MMP21: variants seen among roughly 807,000 people sequenced by gnomAD.
The protein encoded by MMP21 is matrix metalloproteinase-21.
In MMP21, 40 loss-of-function variants were observed where a neutral mutation model predicts 47.8. That is an observed-to-expected ratio of 0.84 (90% confidence interval 0.65 to 1.09). The LOEUF is 1.09. MMP21 is among the 50% of genes least tolerant of loss of function. MMP21 has a pLI of 0.00. For missense variants in MMP21, 747 were observed against 775.3 expected (o/e 0.96, Z 0.43); for synonymous variants, 341 against 318.0 (o/e 1.07, Z -0.77).
In MMP21 at chr10:125,773,544, C is replaced by A. The variant is rs1850476756; in HGVS notation, c.697+287G>T. On this transcript the variant is annotated intron_variant, in intron 2 of 6. Coordinates refer to ENST00000368808, the MANE Select transcript of MMP21 (RefSeq NM_147191.1). The surrounding 1 kb of genome is among the most constrained non-coding windows in gnomAD (Gnocchi z 4.8). ...TGCTGCTCCCTAGGGAAGCTGGAGG[C>A]ACAGGCAGGGGGCCCGAGTGGGACT... is the stretch of plus-strand genomic sequence containing the variant. 6.6e-6 allele frequency among the ~76,000 whole-genome samples: 1 copy of A among 152,148 alleles called. No individual in the cohort carries two copies. The highest frequency in any genetic ancestry group is 1.5e-5 in the Non-Finnish European group (1 of 68,020).
rs1244551768 is a variant in MMP21, at chr10:125,773,511, A to ACC, written c.697+318_697+319dup. ...GTGCCTGACCCTGCCCTGTCCTGAG[A>ACC]CCCCAGCTGCTGCTCCCTAGGGAAG... is the stretch of plus-strand genomic sequence containing the variant. On this transcript the variant is annotated intron_variant, in intron 2 of 6. Coordinates refer to ENST00000368808, the MANE Select transcript of MMP21 (RefSeq NM_147191.1). The surrounding 1 kb of genome is among the most constrained non-coding windows in gnomAD (Gnocchi z 4.8). Among the ~76,000 whole-genome samples the ACC allele has an allele frequency of 6.6e-6, 1 of 151,820 alleles. No homozygotes were observed. The highest frequency in any genetic ancestry group is 6.6e-5 in the Admixed American group (1 of 15,244).
chr10:125,770,993 A>G (rs1453886493), intron 4 of MMP21, among the ~76,000 whole-genome samples: 1 of 152,028 alleles, frequency 6.6e-6, no homozygotes, highest in Non-Finnish European at 1.5e-5. Flanking sequence ...TCAGTCCACT[A>G]CACTCCAGCT....
At chr10:125,771,936 G>A in intron 4 of MMP21, among the ~76,000 whole-genome samples, 1 of 152,248 alleles carries the variant, frequency 6.6e-6, no homozygotes, top group South Asian at 2.1e-4. Flanking sequence ...CGGGTTGGGG[G>A]CCCGCTTGTG....
Position 125,772,680 on chromosome 10 carries a change from A to G in MMP21, c.768T>C (p.Gly256=). The G allele has an allele frequency of 6.2e-7, 1 of 1,614,072 alleles. No homozygotes were observed. ...GQEFAHAWRL[G]DIHFDDDEHF... ...GCTCGTCGTCGTCAAAGTGAATGTC[A>G]CCTAGGCGCCAGGCGTGTGCAAACT... Residue 256 remains glycine, a synonymous_variant, in exon 3 of 7, where the codon GGT becomes GGC. Coordinates refer to ENST00000368808, the MANE Select transcript of MMP21 (RefSeq NM_147191.1). The surrounding 1 kb of genome is among the most constrained non-coding windows in gnomAD (Gnocchi z 5.6).
chr10:125,774,488 A>G lies in MMP21; in HGVS notation c.163-123T>C. ...GAGACAGAGACAGAGAGAAGCAGAG[A>G]GACAGACAGGGAGAAACAGATGGAG... is the stretch of plus-strand genomic sequence containing the variant. On this transcript the variant is annotated intron_variant, in intron 1 of 6. Transcript: ENST00000368808. 2 of 582,198 alleles carry G rather than the reference A, an allele frequency of 3.4e-6. 1 individual carries two copies. The highest frequency in any genetic ancestry group is 5.0e-6 in the Non-Finnish European group (2 of 398,836). The allele number at this position is 582,198 out of a possible 1,614,324, so 36.1% of individuals were successfully genotyped here.
At position 125,773,350 on chromosome 10, in the gene MMP21, G is replaced by A. The variant is rs2133783965; in HGVS notation, c.697+481C>T. ...GTCTAGGCCAAGACCGGATTCCTGG[G>A]GACGCCAGCACCCAATTTCAGGTGG... On this transcript the variant is annotated intron_variant, in intron 2 of 6. Transcript: ENST00000368808. The surrounding 1 kb of genome is among the most constrained non-coding windows in gnomAD (Gnocchi z 4.8). Among the ~76,000 whole-genome samples the A allele has an allele frequency of 6.6e-6, 1 of 152,132 alleles. No individual in the cohort carries two copies. The highest frequency in any genetic ancestry group is 2.1e-4 in the South Asian group (1 of 4,822).
Position 125,772,419 on chromosome 10 carries a change from A to G in MMP21, c.838-60T>C. ...AGCCTGGGCGATGGATCCCTGCATA[A>G]CAGACGCAGGCCTGTGCTTCGAGAG... On this transcript the variant is annotated intron_variant, in intron 3 of 6. Transcript: ENST00000368808. This position sits in a 1 kb window ranked among gnomAD's most constrained non-coding sequence, Gnocchi z 5.6. The G allele has an allele frequency of 6.2e-7, 1 of 1,604,622 alleles. No individual in the cohort carries two copies. The highest frequency in any genetic ancestry group is 8.5e-7 in the Non-Finnish European group (1 of 1,173,472).
chr10:125,771,441 T>C (rs530844650), intron 4 of MMP21, among the ~76,000 whole-genome samples: 1 of 151,738 alleles, frequency 6.6e-6, no homozygotes, highest in Non-Finnish European at 1.5e-5. Flanking sequence ...TCTCGCTCTG[T>C]CACCCAGGCT....
rs1233896746 is a variant in MMP21 at position 125,772,753 on chromosome 10, G to T, written c.698-3C>A. On this transcript the variant is annotated splice_region_variant and splice_polypyrimidine_tract_variant and intron_variant, in intron 2 of 6. Coordinates refer to ENST00000368808, the MANE Select transcript of MMP21 (RefSeq NM_147191.1). This position sits in a 1 kb window ranked among gnomAD's most constrained non-coding sequence, Gnocchi z 5.6. ...CCGCGGACAGCCCAGGTGCCGGCCT[G>T]GCGAGGGGGAGGAGGAGTTGGTCCC... is the stretch of plus-strand genomic sequence containing the variant. 1.2e-6 allele frequency: 2 copies of T among 1,612,006 alleles called. No individual in the cohort carries two copies. Among genetic ancestry groups the T allele is most frequent in the South Asian group, 2.2e-5 (2 of 91,038 alleles).
chr10:125,773,560 G>A lies in MMP21; in HGVS notation c.697+271C>T, dbSNP rs961156049. 1.3e-5 allele frequency among the ~76,000 whole-genome samples: 2 copies of A among 152,250 alleles called. No individual in the cohort carries two copies. Among genetic ancestry groups the A allele is most frequent in the East Asian group, 1.9e-4 (1 of 5,142 alleles). On this transcript the variant is annotated intron_variant, in intron 2 of 6. Coordinates refer to ENST00000368808, the MANE Select transcript of MMP21 (RefSeq NM_147191.1). This position sits in a 1 kb window ranked among gnomAD's most constrained non-coding sequence, Gnocchi z 4.8. Reference sequence around the variant, plus strand: ...AGCTGGAGGCACAGGCAGGGGGCCCGAGTGGGACTTTGAGGAGCAGCCCGG... The same window carrying A: ...AGCTGGAGGCACAGGCAGGGGGCCCAAGTGGGACTTTGAGGAGCAGCCCGG...
rs1407484064 is a variant in MMP21 at position 125,772,141 on chromosome 10, G to C, written c.979+77C>G. ...CTCTTAGGCCCAGTTTCCCAGTGAG[G>C]AGTGAGCGGGGTCCTACAGTGCTCT... On this transcript the variant is annotated intron_variant, in intron 4 of 6. Coordinates refer to ENST00000368808, the MANE Select transcript of MMP21 (RefSeq NM_147191.1). This position sits in a 1 kb window ranked among gnomAD's most constrained non-coding sequence, Gnocchi z 5.6. 1 of 1,544,144 alleles carries C rather than the reference G, an allele frequency of 6.5e-7. No homozygotes were observed. Among genetic ancestry groups the C allele is most frequent in the Non-Finnish European group, 8.9e-7 (1 of 1,127,220 alleles).
chr10:125,770,848 A>AC (rs1694255905), intron 4 of MMP21, among the ~76,000 whole-genome samples: 1 of 147,402 alleles, frequency 6.8e-6, no homozygotes, highest in East Asian at 2.0e-4. Context: ...CCCAGTGTCT[A>AC]CAAAAAAAAA....
chr10:125,774,311 G>C lies in MMP21; in HGVS notation c.217C>G (p.Pro73Ala). ...TTGGGGGTCTCCGGCGGCCCCTCGG[G>C]ACTGGGCCCCCAGGCCGCCCACACC... Reference protein sequence around the residue: ...SGVWAAWGPSPEGPPETPKGA... With the variant: ...SGVWAAWGPSAEGPPETPKGA... Residue 73 changes from proline (P) to alanine (A), a missense_variant, in exon 2 of 7, where the codon CCC (proline) becomes GCC (alanine). Transcript: ENST00000368808. 1 of 1,416,272 alleles carries C rather than the reference G, an allele frequency of 7.1e-7. No homozygotes were observed. The highest frequency in any genetic ancestry group is 9.1e-7 in the Non-Finnish European group (1 of 1,093,402). The allele number at this position is 1,416,272 out of a possible 1,614,324, so 87.7% of individuals were successfully genotyped here.
chr10:125,770,723 T>C, intron 4 of MMP21, 132 bp from the exon 5 acceptor site: 3 of 1,024,976 alleles, frequency 2.9e-6, no homozygotes, highest in Admixed American at 2.7e-5. Context: ...CAAGACACCA[T>C]GTAAGGCTGA....
chr10:125,774,443 G>T, intron 1 of MMP21, 78 bp from the exon 2 acceptor site: 1 of 1,010,752 alleles, frequency 9.9e-7, no homozygotes, highest in Non-Finnish European at 1.3e-6. Flanking sequence ...AAAGTCTAGA[G>T]AGACAGAGAC....
At chr10:125,774,761 C>T (rs529551723) in intron 1 of MMP21, among the ~76,000 whole-genome samples, 5 of 152,264 alleles carry the variant, frequency 3.3e-5, no homozygotes, top group Non-Finnish European at 5.9e-5. Flanking sequence ...GACGCTCCCC[C>T]CGGCCTTGCG....
Position 125,772,986 on chromosome 10 carries a change from C to G in MMP21, c.698-236G>C, listed in dbSNP as rs977309341. ...CCAAGTGCCTGGGAGCAGAGGGGAG[C>G]GGGGCTGGGTGAGAGCCCGGCTGGG... On this transcript the variant is annotated intron_variant, in intron 2 of 6. Transcript: ENST00000368808. This position sits in a 1 kb window ranked among gnomAD's most constrained non-coding sequence, Gnocchi z 5.6. Among the ~76,000 whole-genome samples the G allele has an allele frequency of 1.8e-4, 27 of 152,240 alleles. No individual in the cohort carries two copies. Among genetic ancestry groups the G allele is most frequent in the Middle Eastern group, 3.4e-3 (1 of 294 alleles).
chr10:125,769,881 T>C, intron 5 of MMP21, among the ~76,000 whole-genome samples: 1 of 152,102 alleles, frequency 6.6e-6, no homozygotes, highest in Non-Finnish European at 1.5e-5. Context: ...GGTGCAGTGG[T>C]TCACACCTGT....
chr10:125,773,833 C>T lies in MMP21; in HGVS notation c.695G>A (p.Arg232Lys), dbSNP rs143738505. Residue 232 changes from arginine to lysine, a missense_variant and splice_region_variant, in exon 2 of 7, where the codon AGA becomes AAA. Physicochemically the swap from Arg to Lys is conservative, Grantham distance 26. Coordinates refer to ENST00000368808, the MANE Select transcript of MMP21 (RefSeq NM_147191.1). The surrounding 1 kb of genome is among the most constrained non-coding windows in gnomAD (Gnocchi z 4.8). Reference protein sequence around the residue: ...AAVDIKLGFGRGRHLGCPRAF... With the variant: ...AAVDIKLGFGKGRHLGCPRAF... ...CAGGGAGCCCGGGGTGCTCTTACCT[C>T]TCCCAAAGCCCAGCTTGATGTCGAC... 1.9e-6 allele frequency: 3 copies of T among 1,541,794 alleles called. No homozygotes were observed. Among genetic ancestry groups the T allele is most frequent in the African/African-American group, 1.4e-5 (1 of 70,940 alleles).
Sources: allele counts gnomAD v4.1 joint callset (sites outside exome capture counted in the v4.1 genomes callset), GRCh38; gene constraint gnomAD v4.1.1; non-coding constraint Gnocchi (gnomAD v3.1); transcripts MANE v1.5; gene names NCBI Gene and HGNC (gene_info 2026-07-23, HGNC 2026-07-21).